NFXL1: variants seen among roughly 807,000 people sequenced by gnomAD.
NFXL1 encodes the protein NF-X1-type zinc finger protein NFXL1.
A neutral mutation model predicts 123.3 loss-of-function variants in NFXL1; 66 were observed. The observed-to-expected ratio is 0.54, with a 90% CI of 0.44 to 0.66. The LOEUF is 0.66. Ranked by LOEUF, NFXL1 falls within the 30% of genes least tolerant of loss-of-function variation. The pLI is 0.00. For missense variants in NFXL1, 944 were observed against 1,125.6 expected (o/e 0.84, Z 2.31); for synonymous variants, 346 against 360.8 (o/e 0.96, Z 0.46).
intron 12 of NFXL1, among the ~76,000 whole-genome samples, chr4:47,888,478 A>G (rs1736579131): frequency 6.6e-6 from 1 of 152,192 alleles, no homozygotes; most frequent in South Asian, 2.1e-4. Context: ...CATCTTCCAC[A>G]TACTTTACAT....
At chr4:47,858,222 T>C (rs1734518985) in intron 19 of NFXL1, among the ~76,000 whole-genome samples, 1 of 152,106 alleles carries the variant, frequency 6.6e-6, no homozygotes, top group Admixed American at 6.6e-5. Context: ...CCACACAAAA[T>C]GTTGGCAGGG....
intron 10 of NFXL1, among the ~76,000 whole-genome samples, chr4:47,895,388 G>A (rs934379613): frequency 6.6e-6 from 1 of 152,220 alleles, no homozygotes; most frequent in African/African-American, 2.4e-5. Flanking sequence ...TCTTCCAGTA[G>A]AAGGCTATTT....
chr4:47,884,376 G>T lies in NFXL1; in HGVS notation c.1886C>A (p.Pro629Gln). The T allele has an allele frequency of 1.2e-6, 2 of 1,607,828 alleles. No homozygotes were observed. The highest frequency in any genetic ancestry group is 1.1e-5 in the South Asian group (1 of 90,724). Residue 629 changes from proline to glutamine, a missense_variant, in exon 15 of 23, where the codon CCG becomes CAG. Around this residue, in one of 4 missense-constraint regions of NFXL1, gnomAD observed 301 missense variants for 348.0 expected, o/e 0.86. Transcript: ENST00000507489. ...AATAGGAACTTGACATGGAGGACACGGTAATGCAGTCTGAATAAATGCTGG... is the reference window on the plus strand; with the variant it reads ...AATAGGAACTTGACATGGAGGACACTGTAATGCAGTCTGAATAAATGCTGG... ...SEPAFIQTAL[P>Q]CPPCQVPIPM...
intron 15 of NFXL1, among the ~76,000 whole-genome samples, chr4:47,879,563 T>C (rs1735956705): frequency 1.3e-5 from 2 of 152,114 alleles, no homozygotes; most frequent in South Asian, 2.1e-4. Context: ...TTTGTATATA[T>C]CAACAAACTG....
chr4:47,903,498 T>C (rs889439879), intron 4 of NFXL1, among the ~76,000 whole-genome samples, 175 bp from the exon 5 acceptor site: 1 of 152,218 alleles, frequency 6.6e-6, no homozygotes, highest in African/African-American at 2.4e-5. Context: ...CATTTAAATG[T>C]AGGATACTTC....
At chr4:47,871,571 A>G (rs1416007858) in intron 18 of NFXL1, among the ~76,000 whole-genome samples, 1 of 152,188 alleles carries the variant, frequency 6.6e-6, no homozygotes, top group African/African-American at 2.4e-5. Flanking sequence ...TCATCAATGG[A>G]TGCTAAAATT....
At position 47,913,957 on chromosome 4, in the gene NFXL1, A is replaced by G; in HGVS notation, c.235+12T>C. The G allele has an allele frequency of 6.5e-7, 1 of 1,534,730 alleles. No homozygotes were observed. The highest frequency in any genetic ancestry group is 8.8e-7 in the Non-Finnish European group (1 of 1,136,920). On this transcript the variant is annotated intron_variant, in intron 2 of 22. Coordinates refer to ENST00000507489, the MANE Select transcript of NFXL1 (RefSeq NM_001278624.2). Reference sequence around the variant, plus strand: ...GCATCCAGGTGAGCACGCGGGCGGGAGCCATTCTCACCGCTGGCTGCGGTA... The same window carrying G: ...GCATCCAGGTGAGCACGCGGGCGGGGGCCATTCTCACCGCTGGCTGCGGTA...
intron 18 of NFXL1, among the ~76,000 whole-genome samples, chr4:47,869,869 C>A (rs1319091733): frequency 6.6e-6 from 1 of 151,858 alleles, no homozygotes; most frequent in Non-Finnish European, 1.5e-5. Context: ...ATAAGAATGA[C>A]AAGGGGAAAT....
At chr4:47,861,927 ATCTATT>A (rs1734793056) in intron 19 of NFXL1, among the ~76,000 whole-genome samples, 1 of 152,210 alleles carries the variant, frequency 6.6e-6, no homozygotes, top group Admixed American at 6.5e-5. Flanking sequence ...CTTAGTTGTC[ATCTATT>A]TCTGACTCTA....
intron 21 of NFXL1, among the ~76,000 whole-genome samples, chr4:47,851,367 AT>A (rs568334394): frequency 1.3e-5 from 2 of 152,144 alleles, no homozygotes; most frequent in Non-Finnish European, 2.9e-5. Context: ...TTATATGAGC[AT>A]CTCAGCTTAA....
rs756576627 is a variant in NFXL1 at position 47,914,169 on chromosome 4, CGGCCACCGGCCACCTGG to C, written c.18_34del (p.Gln7ArgfsTer75). On this transcript the variant is annotated frameshift_variant, in exon 2 of 23. Coordinates refer to ENST00000507489, the MANE Select transcript of NFXL1 (RefSeq NM_001278624.2). LOFTEE classifies it high-confidence loss of function. The stretch of plus-strand genomic sequence containing the variant: ...AGTGGCCCGTCCCCGGGATCGGCCT[CGGCCACCGGCCACCTGG>C]CGCCAGGAAGCTTCCATCCCTGCAA... 6.5e-7 allele frequency: 1 copy of C among 1,528,320 alleles called. No individual in the cohort carries two copies. The highest frequency in any genetic ancestry group is 8.8e-7 in the Non-Finnish European group (1 of 1,135,722). The allele number at this position is 1,528,320 out of a possible 1,614,324, so 94.7% of individuals were successfully genotyped here. A position where few individuals can be genotyped will look rare whatever the true frequency, so the allele number is the denominator to read the frequency against.
chr4:47,875,073 G>A lies in NFXL1; in HGVS notation c.2246+54C>T. The stretch of plus-strand genomic sequence containing the variant: ...TATAAAGGGTTCTTAATTATAAAAA[G>A]ATACCAATTCAACTAATTGTAATAA... On this transcript the variant is annotated intron_variant, in intron 18 of 22. Transcript: ENST00000507489. The A allele has an allele frequency of 2.4e-6, 3 of 1,224,838 alleles. No homozygotes were observed. In the Admixed American group the frequency reaches 5.6e-5, roughly 23 times the overall value. 75.9% of individuals were successfully genotyped at this position (1,224,838 alleles called of 1,614,324 possible).
intron 19 of NFXL1, among the ~76,000 whole-genome samples, chr4:47,859,803 C>T (rs1320745103): frequency 2.5e-5 from 3 of 120,670 alleles, no homozygotes; most frequent in African/African-American, 9.6e-5. Flanking sequence ...GATTGCGCCA[C>T]CGTACTCCAA....
At chr4:47,886,153 T>C (rs547112068) in intron 12 of NFXL1, among the ~76,000 whole-genome samples, 154 bp from the exon 13 acceptor site, 12 of 152,270 alleles carry the variant, frequency 7.9e-5, no homozygotes, top group Admixed American at 2.0e-4. Flanking sequence ...CCACAAAACA[T>C]TGAGCCAGAC....
intron 8 of NFXL1, 106 bp downstream of exon 8, chr4:47,898,651 T>C (rs963252604): frequency 4.2e-6 from 3 of 718,010 alleles, no homozygotes; most frequent in Non-Finnish European, 5.1e-6. Flanking sequence ...TTGCTATTCT[T>C]CCTTGCCTTT....
chr4:47,855,216 TA>T (rs1734341164), intron 19 of NFXL1, 53 bp from the exon 20 acceptor site: 1 of 1,045,952 alleles, frequency 9.6e-7, no homozygotes, highest in South Asian at 1.4e-5. Flanking sequence ...GATCATACTC[TA>T]GTTTCCCCCA....
intron 18 of NFXL1, among the ~76,000 whole-genome samples, chr4:47,870,620 A>G (rs4365692): frequency 0.82 from 125,326 of 151,950 alleles, 51,907 homozygotes; most frequent in East Asian, 0.98. Flanking sequence ...AAAAATATGC[A>G]AAGGACGTCA....
intron 14 of NFXL1, 89 bp from the exon 15 acceptor site, chr4:47,884,526 T>C: frequency 1.3e-6 from 1 of 762,862 alleles, no homozygotes; most frequent in Non-Finnish European, 2.2e-6. Flanking sequence ...CCATGTATCC[T>C]CTGCTCAAGC....
chr4:47,909,300 G>A (rs776760191), intron 3 of NFXL1, among the ~76,000 whole-genome samples: 1 of 152,180 alleles, frequency 6.6e-6, no homozygotes, highest in Non-Finnish European at 1.5e-5. Flanking sequence ...GCTGTACAAT[G>A]CTGCTTTTTC....
Sources: allele counts gnomAD v4.1 joint callset (sites outside exome capture counted in the v4.1 genomes callset), GRCh38; gene constraint gnomAD v4.1.1; regional missense constraint gnomAD v4.1.1; transcripts MANE v1.5; gene names NCBI Gene and HGNC (gene_info 2026-07-23, HGNC 2026-07-21).